NANP: variants seen among roughly 807,000 people sequenced by gnomAD.
The protein encoded by NANP is N-acetylneuraminic acid phosphatase, also known as N-acylneuraminate-9-phosphatase.
In NANP, 15 loss-of-function variants were observed where a neutral mutation model predicts 16.9. The observed-to-expected ratio is 0.89, with a 90% CI of 0.59 to 1.37. The LOEUF is 1.37. Ranked by LOEUF, NANP falls within the 40% of genes most tolerant of loss-of-function variation. The pLI is 0.00. For synonymous variants in NANP, 135 were observed against 112.6 expected (o/e 1.20, Z -1.26); for missense variants, 290 against 303.5 (o/e 0.96, Z 0.33).
rs900304768 is a variant in NANP at position 25,613,161 on chromosome 20, A to C, written c.*2764T>G. On this transcript the variant is annotated 3_prime_UTR_variant, in exon 2 of 2. Coordinates refer to ENST00000304788, the MANE Select transcript of NANP (RefSeq NM_152667.3). ...TTATTTATATACATGTGTTATATTT[A>C]TATTTATATATAGTTACAGTGTTAT... is the stretch of plus-strand genomic sequence containing the variant. 1 of 151,946 alleles carries C rather than the reference A, an allele frequency of 6.6e-6. No individual in the cohort carries two copies. The highest frequency in any genetic ancestry group is 6.6e-5 in the Admixed American group (1 of 15,250). The allele number at this position is 151,946 out of a possible 1,614,324, so 9.4% of individuals were successfully genotyped here. A position where few individuals can be genotyped will look rare whatever the true frequency, so the allele number is the denominator to read the frequency against.
Position 25,613,983 on chromosome 20 carries a change from C to CTT in NANP, c.*1940_*1941dup, listed in dbSNP as rs2065331975. On this transcript the variant is annotated 3_prime_UTR_variant, in exon 2 of 2. Transcript: ENST00000304788. ...GACTACTTCTGCCAAAATCCTCCAA[C>CTT]TTAATTTTTAAATAGCTAAAATATG... 2 of 396,564 alleles carry CTT rather than the reference C, an allele frequency of 5.0e-6. No individual in the cohort carries two copies. The highest frequency in any genetic ancestry group is 8.9e-6 in the Non-Finnish European group (2 of 225,278). 24.6% of individuals were successfully genotyped at this position (396,564 alleles called of 1,614,324 possible).
At chr20:25,618,309 A>G (rs1438511560) in intron 1 of NANP, among the ~76,000 whole-genome samples, 1 of 152,120 alleles carries the variant, frequency 6.6e-6, no homozygotes, top group African/African-American at 2.4e-5. Flanking sequence ...AGGAGTAAAC[A>G]AGCAGAAAAA....
Position 25,616,166 on chromosome 20 carries a change from A to T in NANP, c.506T>A (p.Ile169Lys). 6.2e-7 allele frequency: 1 copy of T among 1,614,146 alleles called. No individual in the cohort carries two copies. Among genetic ancestry groups the T allele is most frequent in the Non-Finnish European group, 8.5e-7 (1 of 1,180,036 alleles). The change falls in exon 2 of 2, where the codon ATA (isoleucine) becomes AAA (lysine). Residue 169 changes from isoleucine (I) to lysine (K), a missense_variant. Coordinates refer to ENST00000304788, the MANE Select transcript of NANP (RefSeq NM_152667.3). Reference protein sequence around the residue: ...EQREEKPAPSIFYYCCNLLGV... With the variant: ...EQREEKPAPSKFYYCCNLLGV... Reference sequence around the variant, plus strand: ...GAGAAGATTGCAGCAGTAATAAAATATGGACGGTGCTGGTTTCTCCTCTCT... The same window carrying T: ...GAGAAGATTGCAGCAGTAATAAAATTTGGACGGTGCTGGTTTCTCCTCTCT...
At chr20:25,619,179 A>C (rs903981147) in intron 1 of NANP, among the ~76,000 whole-genome samples, 1 of 143,708 alleles carries the variant, frequency 7.0e-6, no homozygotes, top group Non-Finnish European at 1.5e-5. Flanking sequence ...GGCTGGATGG[A>C]GTGCAGTAGA....
intron 1 of NANP, among the ~76,000 whole-genome samples, chr20:25,622,089 C>A (rs78573531): frequency 8.2e-4 from 125 of 152,272 alleles, no homozygotes; most frequent in African/African-American, 2.9e-3. Flanking sequence ...AATATCTGAA[C>A]AAAATACAGC....
chr20:25,616,136 A>T lies in NANP; in HGVS notation c.536T>A (p.Val179Glu), dbSNP rs1310422423. 5.0e-6 allele frequency: 8 copies of T among 1,614,032 alleles called. No homozygotes were observed. The Admixed American group carries it at 1.3e-4, about 27-fold the overall frequency. Residue 179 changes from valine to glutamate, a missense_variant, in exon 2 of 2, where the codon GTA becomes GAA. Physicochemically the swap from Val to Glu is moderately radical, Grantham distance 121. Coordinates refer to ENST00000304788, the MANE Select transcript of NANP (RefSeq NM_152667.3). ...IFYYCCNLLG[V>E]QPGDCVMVGD... is the part of the protein sequence containing the mutation. ...GACCATCACACAGTCCCCAGGTTGTACTCCGAGAAGATTGCAGCAGTAATA... is the reference window on the plus strand; with the variant it reads ...GACCATCACACAGTCCCCAGGTTGTTCTCCGAGAAGATTGCAGCAGTAATA...
intron 1 of NANP, among the ~76,000 whole-genome samples, chr20:25,622,553 C>A (rs2065369424): frequency 6.6e-6 from 1 of 152,168 alleles, no homozygotes; most frequent in African/African-American, 2.4e-5. Flanking sequence ...TTGAAATGCA[C>A]AGGACTCAGC....
rs923878524 is a variant in NANP at position 25,616,704 on chromosome 20, C to T, written c.91-123G>A. The T allele has an allele frequency of 7.2e-5, 52 of 721,368 alleles. No individual in the cohort carries two copies. In the African/African-American group the frequency reaches 8.1e-4, roughly 11 times the overall value. 44.7% of individuals were successfully genotyped at this position (721,368 alleles called of 1,614,324 possible). On this transcript the variant is annotated intron_variant, in intron 1 of 1. Transcript: ENST00000304788. ...CCACTCCTCTGCTTTAAAGCAGCTACTAACTACACCGTTTCTGGTGGGAAT... is the reference window on the plus strand; with the variant it reads ...CCACTCCTCTGCTTTAAAGCAGCTATTAACTACACCGTTTCTGGTGGGAAT...
At position 25,615,530 on chromosome 20, in the gene NANP, C is replaced by CT. The variant is rs2122201908; in HGVS notation, c.*394dup. On this transcript the variant is annotated 3_prime_UTR_variant, in exon 2 of 2. Transcript: ENST00000304788. Reference sequence around the variant, plus strand: ...TAGAAAATCTATTTTTTAAAAATATCTATTTTTAAGCCAGAAGATAAACCT... The same window carrying CT: ...TAGAAAATCTATTTTTTAAAAATATCTTATTTTTAAGCCAGAAGATAAACCT... The CT allele has an allele frequency of 6.3e-6, 1 of 157,616 alleles. No individual in the cohort carries two copies. Among genetic ancestry groups the CT allele is most frequent in the South Asian group, 2.0e-4 (1 of 4,934 alleles). The allele number at this position is 157,616 out of a possible 1,614,324, so 9.8% of individuals were successfully genotyped here.
chr20:25,616,731 G>A, intron 1 of NANP, 150 bp from the exon 2 acceptor site: 1 of 651,544 alleles, frequency 1.5e-6, no homozygotes, highest in East Asian at 2.8e-5. Context: ...GGTGGGAATT[G>A]GCCTTATTTT....
At chr20:25,616,899 T>C (rs2065345932) in intron 1 of NANP, among the ~76,000 whole-genome samples, 1 of 152,158 alleles carries the variant, frequency 6.6e-6, no homozygotes. Context: ...AAACTTGTGC[T>C]TTTTGGGCCG....
rs768127301 is a variant in NANP, at chr20:25,616,248, T to C, written c.424A>G (p.Ile142Val). Reference sequence around the variant, plus strand: ...TAGGACTGACAGGCACAAGCCTCAATCTTCTCCCTCTGGGTCTGTCTGTCC... The same window carrying C: ...TAGGACTGACAGGCACAAGCCTCAACCTTCTCCCTCTGGGTCTGTCTGTCC... ...NGDRQTQREKIEACACQSYFD... is the reference protein window; with the variant it reads ...NGDRQTQREKVEACACQSYFD... Residue 142 changes from isoleucine to valine, a missense_variant, in exon 2 of 2, where the codon ATT becomes GTT. By Grantham distance (29) the Ile-to-Val change is conservative. Transcript: ENST00000304788. 5 of 1,614,210 alleles carry C rather than the reference T, an allele frequency of 3.1e-6. No homozygotes were observed. In the South Asian group the frequency reaches 4.4e-5, roughly 14 times the overall value.
At chr20:25,619,451 G>A (rs1008364931) in intron 1 of NANP, among the ~76,000 whole-genome samples, 2 of 151,538 alleles carry the variant, frequency 1.3e-5, no homozygotes, top group African/African-American at 4.9e-5. Flanking sequence ...AGGTATTTGT[G>A]CTAATCAGAA....
At chr20:25,617,921 C>G (rs1278767354) in intron 1 of NANP, among the ~76,000 whole-genome samples, 1 of 152,148 alleles carries the variant, frequency 6.6e-6, no homozygotes, top group Non-Finnish European at 1.5e-5. Flanking sequence ...GTAACTTTTC[C>G]TAAAACCCCT....
At chr20:25,623,766 G>T (rs749974084) in intron 1 of NANP, 93 bp downstream of exon 1, 19 of 1,239,108 alleles carry the variant, frequency 1.5e-5, no homozygotes, top group Non-Finnish European at 1.3e-5. Flanking sequence ...CCGCGGCGCC[G>T]GGGTGGAAGT....
At position 25,615,752 on chromosome 20, in the gene NANP, GTTGT is replaced by G; in HGVS notation, c.*169_*172del. On this transcript the variant is annotated 3_prime_UTR_variant, in exon 2 of 2. Coordinates refer to ENST00000304788, the MANE Select transcript of NANP (RefSeq NM_152667.3). Reference sequence around the variant, plus strand: ...AGATATAAGTACCACTCAATGGTTGGTTGTTACAACTTAGAAGCAATAGGGTTGG... The same window carrying G: ...AGATATAAGTACCACTCAATGGTTGGTACAACTTAGAAGCAATAGGGTTGG... The G allele has an allele frequency of 1.6e-6, 1 of 635,584 alleles. No homozygotes were observed. The highest frequency in any genetic ancestry group is 2.8e-5 in the East Asian group (1 of 35,552). The allele number at this position is 635,584 out of a possible 1,614,324, so 39.4% of individuals were successfully genotyped here.
rs1355099886 is a variant in NANP, at chr20:25,614,877, C to T, written c.*1048G>A. The T allele has an allele frequency of 6.6e-6, 1 of 151,768 alleles. No individual in the cohort carries two copies. Among genetic ancestry groups the T allele is most frequent in the African/African-American group, 2.4e-5 (1 of 41,214 alleles). The allele number at this position is 151,768 out of a possible 1,614,324, so 9.4% of individuals were successfully genotyped here. A position where few individuals can be genotyped will look rare whatever the true frequency, so the allele number is the denominator to read the frequency against. ...GTGTGTACTTGTAGTCACACACACC[C>T]TTGGGAGGCTGAGGTGGGAGGATCA... On this transcript the variant is annotated 3_prime_UTR_variant, in exon 2 of 2. Transcript: ENST00000304788.
At chr20:25,621,800 A>G (rs2065365255) in intron 1 of NANP, among the ~76,000 whole-genome samples, 1 of 152,148 alleles carries the variant, frequency 6.6e-6, no homozygotes, top group Non-Finnish European at 1.5e-5. Context: ...TGATCTGCCC[A>G]TCTCGGTCTC....
chr20:25,623,662 C>T (rs1482257278), intron 1 of NANP, among the ~76,000 whole-genome samples, 197 bp downstream of exon 1: 1 of 152,206 alleles, frequency 6.6e-6, no homozygotes, highest in African/African-American at 2.4e-5. Flanking sequence ...TGACAAGCGG[C>T]CGCCAGGCCA....
Sources: allele counts gnomAD v4.1 joint callset (sites outside exome capture counted in the v4.1 genomes callset), GRCh38; gene constraint gnomAD v4.1.1; transcripts MANE v1.5; gene names NCBI Gene and HGNC (gene_info 2026-07-23, HGNC 2026-07-21).